OR6N2: variants seen among roughly 807,000 people sequenced by gnomAD.
OR6N2 encodes the protein olfactory receptor 6N2.
For synonymous variants in OR6N2, 160 were observed against 138.3 expected (o/e 1.16, Z -1.10); for missense variants, 399 against 379.7 (o/e 1.05, Z -0.42).
At position 158,775,731 on chromosome 1, in the gene OR6N2, A is replaced by T. The variant is rs1657575343; in HGVS notation, c.*951T>A. 6.6e-6 allele frequency: 1 copy of T among 151,598 alleles called. No individual in the cohort carries two copies. Among genetic ancestry groups the T allele is most frequent in the Non-Finnish European group, 1.5e-5 (1 of 67,978 alleles). The allele number at this position is 151,598 out of a possible 1,614,324, so 9.4% of individuals were successfully genotyped here. A position where few individuals can be genotyped will look rare whatever the true frequency, so the allele number is the denominator to read the frequency against. ...GTATAAGAAATAAATTGATTTAAGA[A>T]TATATTTTGTGAAAAGATTGTTGGC... is the stretch of plus-strand genomic sequence containing the variant. On this transcript the variant is annotated 3_prime_UTR_variant, in exon 2 of 2. Coordinates refer to ENST00000641131, the MANE Select transcript of OR6N2 (RefSeq NM_001005278.2).
chr1:158,777,275 C>A lies in OR6N2; in HGVS notation c.361G>T (p.Asp121Tyr). Residue 121 changes from aspartate to tyrosine, a missense_variant, in exon 2 of 2, where the codon GAT (aspartate) becomes TAT (tyrosine). Asp to Tyr is a radical substitution (Grantham distance 160). Transcript: ENST00000641131. The part of the protein sequence containing the change: ...ECYLLTAMAY[D>Y]RYLAICRPLH... ...GGCCGACAAATGGCCAGGTATCTAT[C>A]ATAGGCCATGGCTGTAAGAAGGTAG... is the stretch of plus-strand genomic sequence containing the variant. The A allele has an allele frequency of 6.2e-7, 1 of 1,614,072 alleles. No homozygotes were observed. Among genetic ancestry groups the A allele is most frequent in the Non-Finnish European group, 8.5e-7 (1 of 1,179,954 alleles).
chr1:158,779,990 T>G (rs1467281206), intron 1 of OR6N2, among the ~76,000 whole-genome samples: 1 of 152,224 alleles, frequency 6.6e-6, no homozygotes, highest in Non-Finnish European at 1.5e-5. Flanking sequence ...GGCATAGAAT[T>G]GTGAAATCAA....
rs12402624 is a variant in OR6N2 at position 158,774,580 on chromosome 1, G to T, written c.*2102C>A. 6.6e-6 allele frequency: 1 copy of T among 152,076 alleles called. No individual in the cohort carries two copies. The highest frequency in any genetic ancestry group is 1.5e-5 in the Non-Finnish European group (1 of 68,026). 9.4% of individuals were successfully genotyped at this position (152,076 alleles called of 1,614,324 possible). A position where few individuals can be genotyped will look rare whatever the true frequency, so the allele number is the denominator to read the frequency against. On this transcript the variant is annotated 3_prime_UTR_variant, in exon 2 of 2. Coordinates refer to ENST00000641131, the MANE Select transcript of OR6N2 (RefSeq NM_001005278.2). Reference sequence around the variant, plus strand: ...AGCTAATTATAAACATACATTTATCGTGTGACCTAGCAATCCTATACTTAT... The same window carrying T: ...AGCTAATTATAAACATACATTTATCTTGTGACCTAGCAATCCTATACTTAT...
intron 1 of OR6N2, among the ~76,000 whole-genome samples, chr1:158,779,833 A>C (rs1213795808): frequency 6.6e-6 from 1 of 152,214 alleles, no homozygotes; most frequent in Non-Finnish European, 1.5e-5. Flanking sequence ...TTATTTATTC[A>C]TTTTCTATGC....
At position 158,775,406 on chromosome 1, in the gene OR6N2, A is replaced by C. The variant is rs1242246753; in HGVS notation, c.*1276T>G. 1 of 152,184 alleles carries C rather than the reference A, an allele frequency of 6.6e-6. No homozygotes were observed. Among genetic ancestry groups the C allele is most frequent in the East Asian group, 1.9e-4 (1 of 5,186 alleles). 9.4% of individuals were successfully genotyped at this position (152,184 alleles called of 1,614,324 possible). A position where few individuals can be genotyped will look rare whatever the true frequency, so the allele number is the denominator to read the frequency against. On this transcript the variant is annotated 3_prime_UTR_variant, in exon 2 of 2. Transcript: ENST00000641131. ...AAGAGTAATCATGTAGCTAGGAAAG[A>C]GGGAGCTGAGGGAGTAGAGGTATGA... is the stretch of plus-strand genomic sequence containing the variant.
chr1:158,780,536 G>A (rs752604027), intron 1 of OR6N2, among the ~76,000 whole-genome samples: 13 of 152,142 alleles, frequency 8.5e-5, no homozygotes, highest in Non-Finnish European at 1.5e-4. Flanking sequence ...AGCTGAAAAC[G>A]CATGTAATAT....
In OR6N2 at chr1:158,776,585, A is replaced by G; in HGVS notation, c.*97T>C. On this transcript the variant is annotated 3_prime_UTR_variant, in exon 2 of 2. Transcript: ENST00000641131. ...AGAAATGAAGTCTTTGAAGAGGTGA[A>G]AGGAAATGAAATTCAGAGCATGTGT... 3.0e-6 allele frequency: 2 copies of G among 672,084 alleles called. No individual in the cohort carries two copies. Among genetic ancestry groups the G allele is most frequent in the Non-Finnish European group, 5.1e-6 (2 of 394,136 alleles). 41.6% of individuals were successfully genotyped at this position (672,084 alleles called of 1,614,324 possible). A position where few individuals can be genotyped will look rare whatever the true frequency, so the allele number is the denominator to read the frequency against.
At chr1:158,779,819 A>G (rs1657704861) in intron 1 of OR6N2, among the ~76,000 whole-genome samples, 1 of 152,228 alleles carries the variant, frequency 6.6e-6, no homozygotes, top group Non-Finnish European at 1.5e-5. Context: ...CCTCAGAAAA[A>G]GAATTATTTA....
In OR6N2 at chr1:158,777,385, T is replaced by C; in HGVS notation, c.251A>G (p.Asn84Ser). 1 of 1,614,132 alleles carries C rather than the reference T, an allele frequency of 6.2e-7. No individual in the cohort carries two copies. The highest frequency in any genetic ancestry group is 8.5e-7 in the Non-Finnish European group (1 of 1,179,968). Residue 84 changes from asparagine to serine, a missense_variant, in exon 2 of 2, where the codon AAT becomes AGT. Physicochemically the swap from Asn to Ser is conservative, Grantham distance 46. Coordinates refer to ENST00000641131, the MANE Select transcript of OR6N2 (RefSeq NM_001005278.2). ...TATTIPKMLS[N>S]ILSEKKTISF... ...AATGGTTTTCTTCTCACTGAGAATA[T>C]TAGACAACATCTTAGGGATAGTGGT...
rs749301534 is a variant in OR6N2 at position 158,777,449 on chromosome 1, C to A, written c.187G>T (p.Val63Phe). 6.2e-7 allele frequency: 1 copy of A among 1,614,174 alleles called. No homozygotes were observed. Among genetic ancestry groups the A allele is most frequent in the Admixed American group, 1.7e-5 (1 of 60,030 alleles). Residue 63 changes from valine (V) to phenylalanine (F), a missense_variant, in exon 2 of 2, where the codon GTC becomes TTC. Transcript: ENST00000641131. ...AALHTPMYHF[V>F]SVLSFLELWY... ...AACTCCAAGAAGGAAAGAACACTGA[C>A]AAAGTGGTACATAGGTGTGTGCAGA...
intron 1 of OR6N2, among the ~76,000 whole-genome samples, chr1:158,780,583 T>G (rs1657728181): frequency 6.6e-6 from 1 of 152,230 alleles, no homozygotes; most frequent in Admixed American, 6.5e-5. Flanking sequence ...CTCCCTTATA[T>G]GTGCTCAGAG....
rs1033742348 is a variant in OR6N2 at position 158,775,844 on chromosome 1, C to G, written c.*838G>C. ...ATTTTCTAGAAGAAACACAAGGAAA[C>G]AAAAGCATCAAGCTTTCATGGTTAG... On this transcript the variant is annotated 3_prime_UTR_variant, in exon 2 of 2. Transcript: ENST00000641131. The G allele has an allele frequency of 6.6e-6, 1 of 152,048 alleles. No homozygotes were observed. The highest frequency in any genetic ancestry group is 2.4e-5 in the African/African-American group (1 of 41,408). The allele number at this position is 152,048 out of a possible 1,614,324, so 9.4% of individuals were successfully genotyped here.
rs1657569739 is a variant in OR6N2, at chr1:158,775,509, T to C, written c.*1173A>G. ...TATGGTGAGGCTTTGAATTTTATCTTAAGGGCAATTGAGAATTTCTCATGT... is the reference window on the plus strand; with the variant it reads ...TATGGTGAGGCTTTGAATTTTATCTCAAGGGCAATTGAGAATTTCTCATGT... On this transcript the variant is annotated 3_prime_UTR_variant, in exon 2 of 2. Coordinates refer to ENST00000641131, the MANE Select transcript of OR6N2 (RefSeq NM_001005278.2). The C allele has an allele frequency of 6.6e-6, 1 of 152,218 alleles. No homozygotes were observed. Among genetic ancestry groups the C allele is most frequent in the Admixed American group, 6.5e-5 (1 of 15,278 alleles). The allele number at this position is 152,218 out of a possible 1,614,324, so 9.4% of individuals were successfully genotyped here. A position where few individuals can be genotyped will look rare whatever the true frequency, so the allele number is the denominator to read the frequency against.
intron 1 of OR6N2, among the ~76,000 whole-genome samples, chr1:158,779,204 C>T (rs1056367856): frequency 6.6e-6 from 1 of 151,898 alleles, no homozygotes; most frequent in African/African-American, 2.4e-5. Flanking sequence ...GTAACAGATG[C>T]AAAAAGAAAA....
rs762029103 is a variant in OR6N2 at position 158,777,036 on chromosome 1, A to G, written c.600T>C (p.Phe200=). The G allele has an allele frequency of 1.2e-6, 2 of 1,614,178 alleles. No individual in the cohort carries two copies. The highest frequency in any genetic ancestry group is 1.7e-6 in the Non-Finnish European group (2 of 1,180,012). Residue 200 remains phenylalanine, a synonymous_variant, in exon 2 of 2, where the codon TTT becomes TTC. Transcript: ENST00000641131. Reference sequence around the variant, plus strand: ...TAAGAATTATGAAAGCATTAATGGCAAAGTCCACCAGAATGTTAGCAGATG... The same window carrying G: ...TAAGAATTATGAAAGCATTAATGGCGAAGTCCACCAGAATGTTAGCAGATG... ...KDTSANILVD[F]AINAFIILIT... is the part of the protein sequence containing the mutation.
At chr1:158,780,665 C>A (rs1657729824) in intron 1 of OR6N2, among the ~76,000 whole-genome samples, 1 of 152,158 alleles carries the variant, frequency 6.6e-6, no homozygotes, top group Non-Finnish European at 1.5e-5. Context: ...TATTGAATAT[C>A]TCATGTATTA....
chr1:158,776,151 G>A lies in OR6N2; in HGVS notation c.*531C>T, dbSNP rs1461417102. The A allele has an allele frequency of 6.6e-6, 1 of 152,264 alleles. No individual in the cohort carries two copies. Among genetic ancestry groups the A allele is most frequent in the Non-Finnish European group, 1.5e-5 (1 of 68,108 alleles). 9.4% of individuals were successfully genotyped at this position (152,264 alleles called of 1,614,324 possible). A position where few individuals can be genotyped will look rare whatever the true frequency, so the allele number is the denominator to read the frequency against. ...GAGGTAATGATGTCATGAGAGTTAGGGAGAGTTAAGGAGTAAAAAGTTAGG... is the reference window on the plus strand; with the variant it reads ...GAGGTAATGATGTCATGAGAGTTAGAGAGAGTTAAGGAGTAAAAAGTTAGG... On this transcript the variant is annotated 3_prime_UTR_variant, in exon 2 of 2. Coordinates refer to ENST00000641131, the MANE Select transcript of OR6N2 (RefSeq NM_001005278.2).
In OR6N2 at chr1:158,775,060, A is replaced by G. The variant is rs1264456935; in HGVS notation, c.*1622T>C. On this transcript the variant is annotated 3_prime_UTR_variant, in exon 2 of 2. Transcript: ENST00000641131. ...ACACACAACAAATAAAAAATCTGAA[A>G]TAATTTGAGACCAAATCTAGTTTAT... 2.0e-5 allele frequency: 3 copies of G among 152,256 alleles called. No individual in the cohort carries two copies. Among genetic ancestry groups the G allele is most frequent in the Non-Finnish European group, 4.4e-5 (3 of 68,048 alleles). The allele number at this position is 152,256 out of a possible 1,614,324, so 9.4% of individuals were successfully genotyped here. A position where few individuals can be genotyped will look rare whatever the true frequency, so the allele number is the denominator to read the frequency against.
chr1:158,777,594 G>A lies in OR6N2; in HGVS notation c.42C>T (p.Phe14=). The change falls in exon 2 of 2, where the codon TTC becomes TTT. Residue 14 remains phenylalanine (F), a synonymous_variant. Coordinates refer to ENST00000641131, the MANE Select transcript of OR6N2 (RefSeq NM_001005278.2). ...CATAGCCCACACTGGCAAAGCCAAG[G>A]AACACAAATTCAGCCAGGCTTGAAT... is the stretch of plus-strand genomic sequence containing the variant. ...YNHSSLAEFV[F]LGFASVGYVR... 1 of 1,613,906 alleles carries A rather than the reference G, an allele frequency of 6.2e-7. No individual in the cohort carries two copies. Among genetic ancestry groups the A allele is most frequent in the East Asian group, 2.2e-5 (1 of 44,870 alleles).
Sources: gnomAD v4.1 joint callset for allele counts (sites outside exome capture counted in the v4.1 genomes callset) on GRCh38, gnomAD v4.1.1 for gene constraint, MANE v1.5 for transcripts, NCBI Gene and HGNC (gene_info 2026-07-23, HGNC 2026-07-21) for gene names.